Variants in PSTPIP2 observed in about 807,000 individuals in gnomAD.
PSTPIP2 encodes the protein proline-serine-threonine phosphatase interacting protein 2.
PSTPIP2 carries 33 observed loss-of-function variants against 63.3 expected under a neutral mutation model. That is an observed-to-expected ratio of 0.52 (90% CI 0.40 to 0.70). The LOEUF (loss-of-function observed/expected upper bound fraction) is 0.70. Ranked by LOEUF, PSTPIP2 falls within the 30% of genes least tolerant of loss-of-function variation. The probability of loss-of-function intolerance (pLI) is 0.00; values close to 1 mark genes in which losing one functional copy is unlikely to be tolerated. For missense variants in PSTPIP2, 312 were observed against 400.7 expected (o/e 0.78, Z 1.89); for synonymous variants, 125 against 132.7 (o/e 0.94, Z 0.40).
chr18:46,065,007 G>T (rs1397755988), intron 1 of PSTPIP2, among the ~76,000 whole-genome samples: 3 of 151,662 alleles, frequency 2.0e-5, no homozygotes, highest in African/African-American at 2.4e-5. Context: ...AGCCAGGCAT[G>T]GTGGTGCATG....
At chr18:46,011,913 T>C (rs593664) in intron 4 of PSTPIP2, among the ~76,000 whole-genome samples, 22,842 of 152,168 alleles carry the variant, frequency 0.15, 2,178 homozygotes, top group East Asian at 0.38. Context: ...GATGGTCAGA[T>C]TGATCTAAGA....
In PSTPIP2 at chr18:45,984,741, A is replaced by G. The variant is rs573607859; in HGVS notation, c.*718T>C. On this transcript the variant is annotated 3_prime_UTR_variant, in exon 15 of 15. Transcript: ENST00000409746. Reference sequence around the variant, plus strand: ...AGCATACACAGGGATCCACATAAAAATAAATCTGACATTTAAACCCTGGTG... The same window carrying G: ...AGCATACACAGGGATCCACATAAAAGTAAATCTGACATTTAAACCCTGGTG... 3.3e-5 allele frequency: 5 copies of G among 152,382 alleles called. No individual in the cohort carries two copies. The highest frequency in any genetic ancestry group is 7.2e-5 in the African/African-American group (3 of 41,568). The allele number at this position is 152,382 out of a possible 1,614,324, so 9.4% of individuals were successfully genotyped here.
chr18:46,013,109 CTT>C (rs1220350038), intron 4 of PSTPIP2, among the ~76,000 whole-genome samples: 3 of 151,246 alleles, frequency 2.0e-5, no homozygotes, highest in Non-Finnish European at 4.4e-5. Flanking sequence ...GAAAATAAAA[CTT>C]ATTTTTTTAG....
intron 1 of PSTPIP2, among the ~76,000 whole-genome samples, chr18:46,063,097 GA>G (rs1448508935): frequency 1.3e-5 from 2 of 152,272 alleles, no homozygotes; most frequent in East Asian, 3.9e-4. Flanking sequence ...CAACCGCATG[GA>G]CTCAAGTGAT....
chr18:46,000,722 T>C (rs1052624941), intron 6 of PSTPIP2, among the ~76,000 whole-genome samples: 1 of 152,248 alleles, frequency 6.6e-6, no homozygotes, highest in Non-Finnish European at 1.5e-5. Context: ...ACGTAGGCCA[T>C]GGTCTATCGT....
intron 6 of PSTPIP2, 57 bp downstream of exon 6, chr18:46,005,411 CA>C: frequency 7.3e-7 from 1 of 1,369,736 alleles, no homozygotes; most frequent in Non-Finnish European, 1.0e-6. Context: ...TCATACACAG[CA>C]CAGGATTTCA....
intron 9 of PSTPIP2, 61 bp from the exon 10 acceptor site, chr18:45,993,764 A>G (rs2144061870): frequency 6.9e-7 from 1 of 1,438,852 alleles, no homozygotes; most frequent in African/African-American, 1.4e-5. Context: ...CATTTTGGCT[A>G]GCTGTGACTT....
At chr18:46,054,985 A>T (rs1458530739) in intron 1 of PSTPIP2, among the ~76,000 whole-genome samples, 2 of 152,208 alleles carry the variant, frequency 1.3e-5, no homozygotes, top group Non-Finnish European at 1.5e-5. Flanking sequence ...GTAGGTAATT[A>T]ACAGAAACTA....
At chr18:46,011,480 T>C (rs573141512) in intron 4 of PSTPIP2, among the ~76,000 whole-genome samples, 193 bp from the exon 5 acceptor site, 2 of 152,302 alleles carry the variant, frequency 1.3e-5, no homozygotes, top group African/African-American at 4.8e-5. Context: ...GGATCAAAGC[T>C]AGAAGATCTT....
chr18:45,988,773 A>G lies in PSTPIP2; in HGVS notation c.956-14T>C, dbSNP rs768622067. The G allele has an allele frequency of 1.9e-6, 3 of 1,544,194 alleles. No individual in the cohort carries two copies. The highest frequency in any genetic ancestry group is 1.4e-5 in the African/African-American group (1 of 73,026). Reference sequence around the variant, plus strand: ...AATTGGGATCATCTGCAAAAGGCAGAACACAGAAAACAACAGTAACATCAA... The same window carrying G: ...AATTGGGATCATCTGCAAAAGGCAGGACACAGAAAACAACAGTAACATCAA... On this transcript the variant is annotated splice_polypyrimidine_tract_variant and intron_variant, in intron 13 of 14. Transcript: ENST00000409746.
intron 6 of PSTPIP2, among the ~76,000 whole-genome samples, chr18:45,999,816 G>A (rs1024981323): frequency 6.6e-6 from 1 of 152,144 alleles, no homozygotes; most frequent in Non-Finnish European, 1.5e-5. Context: ...TTTAAAAATG[G>A]ACTGAAACGA....
intron 1 of PSTPIP2, among the ~76,000 whole-genome samples, chr18:46,049,370 T>C (rs1908502399): frequency 6.6e-6 from 1 of 151,874 alleles, no homozygotes; most frequent in South Asian, 2.1e-4. Context: ...CTAGACTTAA[T>C]ACTTGGGTGA....
intron 14 of PSTPIP2, among the ~76,000 whole-genome samples, chr18:45,986,238 T>C (rs1253252435): frequency 6.6e-6 from 1 of 152,216 alleles, no homozygotes; most frequent in Non-Finnish European, 1.5e-5. Context: ...CTCCCTTTAG[T>C]AAAATTTTCT....
intron 1 of PSTPIP2, among the ~76,000 whole-genome samples, chr18:46,050,827 T>C (rs1382093513): frequency 1.3e-5 from 2 of 152,144 alleles, no homozygotes; most frequent in East Asian, 3.9e-4. Context: ...ACACCATACA[T>C]GTAGTAGTGA....
intron 3 of PSTPIP2, among the ~76,000 whole-genome samples, chr18:46,019,500 A>G (rs1169415553): frequency 3.9e-5 from 6 of 152,176 alleles, no homozygotes; most frequent in African/African-American, 9.6e-5. Flanking sequence ...ACAATGCATT[A>G]TAACAGTGTC....
intron 4 of PSTPIP2, among the ~76,000 whole-genome samples, chr18:46,015,455 A>C (rs1194015837): frequency 1.3e-5 from 2 of 152,124 alleles, no homozygotes. Context: ...CACTTGGATG[A>C]CAGTGTCTCC....
At chr18:46,057,726 G>A (rs1908813938) in intron 1 of PSTPIP2, among the ~76,000 whole-genome samples, 1 of 152,088 alleles carries the variant, frequency 6.6e-6, no homozygotes, top group African/African-American at 2.4e-5. Context: ...GGCCAGGCGT[G>A]GTGGCTCACA....
At chr18:46,002,037 C>T (rs1204435800) in intron 6 of PSTPIP2, among the ~76,000 whole-genome samples, 3 of 152,294 alleles carry the variant, frequency 2.0e-5, no homozygotes, top group African/African-American at 7.2e-5. Context: ...TCTTTTCTTT[C>T]AGCATTTGCG....
At chr18:46,023,081 G>A (rs143142238) in intron 3 of PSTPIP2, among the ~76,000 whole-genome samples, 45 of 152,226 alleles carry the variant, frequency 3.0e-4, no homozygotes, top group African/African-American at 1.0e-3. Context: ...ACATGGACAC[G>A]TGGAGGGGAA....
Sources: allele counts gnomAD v4.1 joint callset (sites outside exome capture counted in the v4.1 genomes callset), GRCh38; gene constraint gnomAD v4.1.1; transcripts MANE v1.5; gene names NCBI Gene and HGNC (gene_info 2026-07-23, HGNC 2026-07-21).